Variants in SHC4 observed in about 807,000 individuals in gnomAD.
SHC4 encodes SHC-transforming protein 4.
In SHC4, 41 loss-of-function variants were observed where a neutral mutation model predicts 69.4. That is an observed-to-expected ratio of 0.59 (90% confidence interval 0.46 to 0.77). The LOEUF (loss-of-function observed/expected upper bound fraction) is 0.77, where lower values mean the gene tolerates loss of function less well. Among genes scored for constraint, SHC4 ranks in the 30% least tolerant of loss-of-function variants. The probability of loss-of-function intolerance (pLI) is 0.00; values close to 1 mark genes in which losing one functional copy is unlikely to be tolerated. For missense variants in SHC4, 777 were observed against 783.8 expected (o/e 0.99, Z 0.10); for synonymous variants, 318 against 299.3 (o/e 1.06, Z -0.64).
At chr15:48,909,114 A>G (rs574513980) in intron 2 of SHC4, among the ~76,000 whole-genome samples, 49 of 152,246 alleles carry the variant, frequency 3.2e-4, no homozygotes, top group Non-Finnish European at 6.3e-4. Context: ...TGAGAACTGC[A>G]TTGAATTTGT....
rs1425010630 is a variant in SHC4, at chr15:48,911,108, T to C, written c.656+13771A>G. Among the ~76,000 whole-genome samples the C allele has an allele frequency of 2.0e-5, 3 of 152,094 alleles. No homozygotes were observed. The East Asian group carries it at 5.8e-4, about 29-fold the overall frequency. ...CTTGTTCCAAGATATAGTTTATCCA[T>C]TGTTTATTTGTTGACGCTCTGTCTT... On this transcript the variant is annotated intron_variant, in intron 2 of 11. Transcript: ENST00000332408.
intron 9 of SHC4, among the ~76,000 whole-genome samples, chr15:48,846,732 A>G (rs1010797087): frequency 2.0e-5 from 3 of 152,170 alleles, no homozygotes; most frequent in African/African-American, 7.2e-5. Context: ...GCTCAAAAGA[A>G]AAATGTTTAT....
At chr15:48,910,189 G>A (rs539208991) in intron 2 of SHC4, among the ~76,000 whole-genome samples, 1 of 151,798 alleles carries the variant, frequency 6.6e-6, no homozygotes, top group Admixed American at 6.6e-5. Flanking sequence ...TGGTCCTGGA[G>A]GTTTTTTTTT....
At chr15:48,955,875 C>T (rs1567078833) in intron 1 of SHC4, among the ~76,000 whole-genome samples, 1 of 152,156 alleles carries the variant, frequency 6.6e-6, no homozygotes, top group African/African-American at 2.4e-5. Flanking sequence ...TGTCTGGGCT[C>T]CACCACTGGT....
At chr15:48,875,921 T>C (rs1442990590) in intron 4 of SHC4, among the ~76,000 whole-genome samples, 2 of 152,214 alleles carry the variant, frequency 1.3e-5, no homozygotes, top group African/African-American at 4.8e-5. Context: ...ATATTATACA[T>C]GCCCTTAACT....
chr15:48,951,482 T>A (rs1011197397), intron 1 of SHC4, among the ~76,000 whole-genome samples: 2 of 151,592 alleles, frequency 1.3e-5, no homozygotes, highest in Non-Finnish European at 2.9e-5. Flanking sequence ...TTCCCCCATT[T>A]AAAAAAAAAT....
At chr15:48,955,866 G>A (rs1901444758) in intron 1 of SHC4, among the ~76,000 whole-genome samples, 2 of 152,310 alleles carry the variant, frequency 1.3e-5, no homozygotes, top group South Asian at 4.2e-4. Flanking sequence ...GGGAGCTCTT[G>A]TCTGGGCTCC....
At chr15:48,926,784 G>T (rs1005631070) in intron 1 of SHC4, among the ~76,000 whole-genome samples, 3 of 152,148 alleles carry the variant, frequency 2.0e-5, no homozygotes, top group African/African-American at 7.2e-5. Context: ...TTTCTGAGCA[G>T]ATTGTGCAGG....
At chr15:48,917,243 TTGTGTGTGTGTG>T (rs3985853) in intron 2 of SHC4, among the ~76,000 whole-genome samples, 2,251 of 137,182 alleles carry the variant, frequency 0.016, 64 homozygotes, top group African/African-American at 0.055. Flanking sequence ...ACCTGATTTC[TTGTGTGTGTGTG>T]TGTGTGTGTG....
At chr15:48,933,885 T>C (rs773881438) in intron 1 of SHC4, among the ~76,000 whole-genome samples, 2 of 152,062 alleles carry the variant, frequency 1.3e-5, no homozygotes, top group African/African-American at 4.8e-5. Context: ...ACCAGAGCAA[T>C]TGTATATAAA....
At chr15:48,933,480 G>A (rs1468384760) in intron 1 of SHC4, among the ~76,000 whole-genome samples, 2 of 152,084 alleles carry the variant, frequency 1.3e-5, no homozygotes, top group African/African-American at 2.4e-5. Flanking sequence ...ACTTAATAAT[G>A]TTAAGATAGT....
chr15:48,950,693 A>T (rs1424763664), intron 1 of SHC4, among the ~76,000 whole-genome samples: 1 of 152,198 alleles, frequency 6.6e-6, no homozygotes, highest in East Asian at 1.9e-4. Flanking sequence ...GGCTGCGTGC[A>T]GCAAGACAGA....
At chr15:48,935,525 T>C (rs1210241370) in intron 1 of SHC4, among the ~76,000 whole-genome samples, 2 of 152,204 alleles carry the variant, frequency 1.3e-5, no homozygotes, top group Non-Finnish European at 2.9e-5. Context: ...GCATCCTAAC[T>C]GGACCATTTG....
At chr15:48,834,707 C>G in intron 11 of SHC4, 62 bp downstream of exon 11, 1 of 1,582,934 alleles carries the variant, frequency 6.3e-7, no homozygotes, top group Non-Finnish European at 8.6e-7. Flanking sequence ...TTTTGGAAAT[C>G]ATTCAGGGTA....
At chr15:48,900,019 T>C (rs1325306809) in intron 2 of SHC4, among the ~76,000 whole-genome samples, 4 of 152,184 alleles carry the variant, frequency 2.6e-5, no homozygotes, top group Admixed American at 2.6e-4. Context: ...CAGATGGTTG[T>C]GTTAGTGCGT....
intron 3 of SHC4, 81 bp from the exon 4 acceptor site, chr15:48,884,448 A>G: frequency 7.8e-7 from 1 of 1,274,276 alleles, no homozygotes. Flanking sequence ...TAAATGTTAA[A>G]AATGAGTCAA....
rs1179505158 is a variant in SHC4, at chr15:48,834,832, A to T, written c.1674T>A (p.Tyr558Ter). ...GGCCTCCCTGTAGTCCACTCAGCACATATTGGCCAGGGGATGTTGCACTCT... is the reference window on the plus strand; with the variant it reads ...GGCCTCCCTGTAGTCCACTCAGCACTTATTGGCCAGGGGATGTTGCACTCT... ...VRESATSPGQ[Y>*]VLSGLQGGQA... Residue 558 changes from tyrosine to a stop codon, truncating the protein, a stop_gained, in exon 11 of 12, where the codon TAT (tyrosine) becomes TAA (stop). Transcript: ENST00000332408. LOFTEE classifies it high-confidence loss of function. 2.5e-6 allele frequency: 4 copies of T among 1,614,150 alleles called. No homozygotes were observed. The highest frequency in any genetic ancestry group is 3.4e-6 in the Non-Finnish European group (4 of 1,180,018).
At chr15:48,856,964 C>T (rs1435207423) in intron 7 of SHC4, among the ~76,000 whole-genome samples, 2 of 152,042 alleles carry the variant, frequency 1.3e-5, no homozygotes, top group East Asian at 3.9e-4. Context: ...CCCTAGACTA[C>T]CTCATAAAAG....
chr15:48,876,569 A>G, intron 4 of SHC4: 1 of 695,576 alleles, frequency 1.4e-6, no homozygotes, highest in East Asian at 2.7e-5. Flanking sequence ...GTCCTACAAT[A>G]GGCTGTCTGC....
Sources: gnomAD v4.1 joint callset for allele counts (sites outside exome capture counted in the v4.1 genomes callset) on GRCh38, gnomAD v4.1.1 for gene constraint, MANE v1.5 for transcripts, NCBI Gene and HGNC (gene_info 2026-07-23, HGNC 2026-07-21) for gene names.